The following ROBO2 variants were observed in gnomAD, a reference collection of about 807,000 sequenced individuals.
The protein encoded by ROBO2 is roundabout guidance receptor 2, also known as roundabout homolog 2.
Under a neutral mutation model 160.8 loss-of-function variants are expected in ROBO2, and 53 were observed. The ratio of observed to expected loss-of-function variants is 0.33; its 90% CI spans 0.26 to 0.41. The LOEUF is 0.41. ROBO2 is among the 10% of genes least tolerant of loss of function. The pLI is 1.00. For synonymous variants in ROBO2, 664 were observed against 611.7 expected (o/e 1.09, Z -1.26); for missense variants, 1,577 against 1,722.4 (o/e 0.92, Z 1.49).
chr3:77,395,562 G>A (rs566857123), intron 2 of ROBO2, among the ~76,000 whole-genome samples: 3 of 152,174 alleles, frequency 2.0e-5, no homozygotes, highest in East Asian at 1.9e-4. Context: ...GAATGCCCAA[G>A]GTCCAGCCTG....
chr3:76,023,050 A>G (rs1005618454), intron 2 of ROBO2, among the ~76,000 whole-genome samples: 1 of 151,658 alleles, frequency 6.6e-6, no homozygotes, highest in African/African-American at 2.4e-5. Flanking sequence ...TATTTTGGAG[A>G]TGGCTTCTTT....
chr3:77,497,418 T>C (rs2086941398), intron 5 of ROBO2, among the ~76,000 whole-genome samples: 1 of 152,150 alleles, frequency 6.6e-6, no homozygotes, highest in Admixed American at 6.5e-5. Flanking sequence ...ACTTTTGGGT[T>C]TACCTACATT....
At chr3:76,239,712 T>C (rs1477499876) in intron 2 of ROBO2, among the ~76,000 whole-genome samples, 1 of 152,208 alleles carries the variant, frequency 6.6e-6, no homozygotes, top group Non-Finnish European at 1.5e-5. Flanking sequence ...TTAATTTTTG[T>C]AACAAAACAA....
chr3:76,945,231 G>T (rs933423921), intron 2 of ROBO2, among the ~76,000 whole-genome samples: 1 of 152,142 alleles, frequency 6.6e-6, no homozygotes, highest in Non-Finnish European at 1.5e-5. Context: ...TAGGTCCTAA[G>T]AAATCAGAAG....
chr3:77,134,358 G>T (rs1334496783), intron 2 of ROBO2, among the ~76,000 whole-genome samples: 1 of 152,086 alleles, frequency 6.6e-6, no homozygotes, highest in Non-Finnish European at 1.5e-5. Flanking sequence ...ACCGATTTTG[G>T]TCAAAGCATT....
chr3:75,969,303 T>C (rs1375779923), intron 2 of ROBO2, among the ~76,000 whole-genome samples: 1 of 151,372 alleles, frequency 6.6e-6, no homozygotes, highest in Non-Finnish European at 1.5e-5. Context: ...CGTATACTGA[T>C]TTCAGTTCCT....
At chr3:76,035,379 C>T (rs534562228) in intron 2 of ROBO2, among the ~76,000 whole-genome samples, 5 of 151,692 alleles carry the variant, frequency 3.3e-5, no homozygotes, top group Non-Finnish European at 5.9e-5. Flanking sequence ...CATGGATTAT[C>T]CCAGTATGAT....
chr3:77,126,749 G>A (rs966912016), intron 2 of ROBO2, among the ~76,000 whole-genome samples: 23 of 146,514 alleles, frequency 1.6e-4, no homozygotes, highest in Admixed American at 6.8e-5. Flanking sequence ...GTCTTTGTGG[G>A]ATATATTTCA....
intron 2 of ROBO2, among the ~76,000 whole-genome samples, chr3:77,029,249 T>A (rs1439644694): frequency 6.6e-6 from 1 of 152,156 alleles, no homozygotes; most frequent in African/African-American, 2.4e-5. Flanking sequence ...TTCTGTCATA[T>A]CCAATGTACA....
At chr3:76,095,894 C>A (rs1342506777) in intron 2 of ROBO2, among the ~76,000 whole-genome samples, 2 of 151,832 alleles carry the variant, frequency 1.3e-5, no homozygotes, top group Non-Finnish European at 2.9e-5. Context: ...TAATACTAAG[C>A]TAATACATTT....
intron 2 of ROBO2, among the ~76,000 whole-genome samples, chr3:76,295,867 T>A (rs34466453): frequency 6.6e-6 from 1 of 152,238 alleles, no homozygotes; most frequent in South Asian, 2.1e-4. Context: ...GCTTAAAAAC[T>A]TATAGTTTTC....
chr3:77,413,603 G>A (rs570149416), intron 2 of ROBO2, among the ~76,000 whole-genome samples: 2 of 152,290 alleles, frequency 1.3e-5, no homozygotes, highest in South Asian at 2.1e-4. Flanking sequence ...ACAGAGCTCC[G>A]TTACAGTAAC....
chr3:76,873,669 G>T, intron 2 of ROBO2, among the ~76,000 whole-genome samples: 1 of 152,038 alleles, frequency 6.6e-6, no homozygotes, highest in Non-Finnish European at 1.5e-5. Context: ...GGGCTCAAAG[G>T]GTTCTCCTGC....
rs150432653 is a variant in ROBO2 at position 77,208,011 on chromosome 3, T to C, written c.388+109671T>C. ...TGAGTATCCGAGGGCAGGAATTGGC[T>C]CAGATAAAGGATCTATCCTGAGCGC... On this transcript the variant is annotated intron_variant, in intron 2 of 25. Transcript: ENST00000461745. 3.9e-4 allele frequency among the ~76,000 whole-genome samples: 59 copies of C among 152,284 alleles called. 1 individual carries two copies. The highest frequency in any genetic ancestry group is 1.4e-3 in the African/African-American group (59 of 41,566).
intron 2 of ROBO2, among the ~76,000 whole-genome samples, chr3:76,346,698 A>G (rs1644246206): frequency 6.6e-6 from 1 of 152,142 alleles, no homozygotes; most frequent in Non-Finnish European, 1.5e-5. Context: ...ATTTGTCGAT[A>G]ACGTTTTCCA....
At chr3:76,639,459 C>G (rs547852239) in intron 2 of ROBO2, among the ~76,000 whole-genome samples, 3 of 119,742 alleles carry the variant, frequency 2.5e-5, no homozygotes, top group Non-Finnish European at 5.2e-5. Context: ...TGTACCTACA[C>G]TCTCTCACAC....
intron 1 of ROBO2, among the ~76,000 whole-genome samples, chr3:75,920,550 T>G (rs1946991876): frequency 6.6e-6 from 1 of 152,208 alleles, no homozygotes; most frequent in Admixed American, 6.5e-5. Context: ...TAGGTCCGCT[T>G]GGACCAGAGC....
chr3:77,629,565 GT>G (rs2095112403), intron 23 of ROBO2: 1 of 152,152 alleles, frequency 6.6e-6, no homozygotes, highest in Admixed American at 6.6e-5. Flanking sequence ...GCCACTTAAT[GT>G]AAATTTTTTA....
intron 1 of ROBO2, among the ~76,000 whole-genome samples, chr3:77,062,150 C>T (rs1384670277): frequency 6.6e-6 from 1 of 152,104 alleles, no homozygotes; most frequent in Non-Finnish European, 1.5e-5. Context: ...TAGGTTAAAA[C>T]TTTCCCATTG....
Sources: gnomAD v4.1 joint callset for allele counts (sites outside exome capture counted in the v4.1 genomes callset) on GRCh38, gnomAD v4.1.1 for gene constraint, MANE v1.5 for transcripts, NCBI Gene and HGNC (gene_info 2026-07-23, HGNC 2026-07-21) for gene names.